ATP8A2: variants seen among roughly 807,000 people sequenced by gnomAD.
ATP8A2 encodes the protein ATPase phospholipid transporting 8A2.
ATP8A2 carries 100 observed loss-of-function variants against 165.6 expected under a neutral mutation model. The observed-to-expected ratio is 0.60, with a 90% confidence interval of 0.51 to 0.71. The LOEUF is 0.71. Ranked by LOEUF, ATP8A2 falls within the 30% of genes least tolerant of loss-of-function variation. The pLI is 0.00. For missense variants in ATP8A2, 1,227 were observed against 1,479.5 expected (o/e 0.83, Z 2.80); for synonymous variants, 543 against 548.8 (o/e 0.99, Z 0.15).
intron 35 of ATP8A2, among the ~76,000 whole-genome samples, chr13:25,978,776 T>TA: frequency 6.6e-6 from 1 of 152,098 alleles, no homozygotes; most frequent in South Asian, 2.1e-4. Flanking sequence ...CCGTCTCTAC[T>TA]AAAAATACAA....
At chr13:25,835,312 C>T (rs1593422911) in intron 28 of ATP8A2, among the ~76,000 whole-genome samples, 1 of 152,100 alleles carries the variant, frequency 6.6e-6, no homozygotes, top group Non-Finnish European at 1.5e-5. Flanking sequence ...CTGTGGATTT[C>T]TCCTTGAAGT....
At chr13:25,876,144 A>G (rs182820925) in intron 33 of ATP8A2, among the ~76,000 whole-genome samples, 16 of 152,346 alleles carry the variant, frequency 1.1e-4, no homozygotes, top group African/African-American at 3.6e-4. Context: ...CGGAAGAAAT[A>G]GAACTTCTCT....
chr13:25,403,341 C>T lies in ATP8A2; in HGVS notation c.76+31053C>T, dbSNP rs190267293. Among the ~76,000 whole-genome samples the T allele has an allele frequency of 5.3e-4, 81 of 152,198 alleles. 1 individual carries two copies. The South Asian group carries it at 8.9e-3, about 17-fold the overall frequency. On this transcript the variant is annotated intron_variant, in intron 1 of 36. Transcript: ENST00000381655. ...CCCAGCCTGTGGTATTTTGTTACAG[C>T]GGGAGGAAGAGACTAAGACAAAGGT... is the stretch of plus-strand genomic sequence containing the variant.
At chr13:25,408,515 A>T (rs2033875100) in intron 1 of ATP8A2, among the ~76,000 whole-genome samples, 1 of 152,146 alleles carries the variant, frequency 6.6e-6, no homozygotes, top group African/African-American at 2.4e-5. Context: ...ATGCACACTG[A>T]TGTGTTAATC....
chr13:25,769,661 C>T (rs551504151), intron 26 of ATP8A2, among the ~76,000 whole-genome samples: 1 of 147,508 alleles, frequency 6.8e-6, no homozygotes, highest in South Asian at 2.3e-4. Flanking sequence ...TGGGACACCC[C>T]CTGGCTAGGT....
Position 25,862,379 on chromosome 13 carries a change from A to G in ATP8A2, c.3154A>G (p.Ile1052Val), listed in dbSNP as rs935009343. The G allele has an allele frequency of 3.9e-5, 63 of 1,613,926 alleles. No homozygotes were observed. The highest frequency in any genetic ancestry group is 4.7e-5 in the Non-Finnish European group (56 of 1,179,918). ...FGIYSTIWPT[I>V]PIAPDMRGQA... ...CATCTACTCGACCATCTGGCCCACC[A>G]TTCCCATTGCTCCAGATATGAGAGG... The change falls in exon 33 of 37, where the codon ATT (isoleucine) becomes GTT (valine). Residue 1052 changes from isoleucine to valine, a missense_variant. Transcript: ENST00000381655.
chr13:25,498,466 T>C (rs2036748285), intron 2 of ATP8A2, among the ~76,000 whole-genome samples: 2 of 152,236 alleles, frequency 1.3e-5, no homozygotes, highest in South Asian at 4.1e-4. Flanking sequence ...TCTCCAATGA[T>C]GCTGCAGATT....
chr13:26,010,591 G>A (rs1228687239), intron 35 of ATP8A2, among the ~76,000 whole-genome samples: 2 of 152,150 alleles, frequency 1.3e-5, no homozygotes, highest in Admixed American at 6.5e-5. Context: ...CTTTATACCT[G>A]CCACATTCTG....
At chr13:25,826,853 T>A (rs1185610597) in intron 27 of ATP8A2, among the ~76,000 whole-genome samples, 2 of 149,688 alleles carry the variant, frequency 1.3e-5, no homozygotes, top group Non-Finnish European at 3.0e-5. Flanking sequence ...GGCCCTCTTC[T>A]ACCCCAGTCC....
chr13:25,920,856 C>T (rs1274704025), intron 33 of ATP8A2, among the ~76,000 whole-genome samples: 2 of 152,176 alleles, frequency 1.3e-5, no homozygotes, highest in South Asian at 2.1e-4. Context: ...GTGGGTGAAT[C>T]ACTTGAGCCC....
At chr13:25,432,867 T>C (rs150682233) in intron 1 of ATP8A2, among the ~76,000 whole-genome samples, 11 of 152,232 alleles carry the variant, frequency 7.2e-5, no homozygotes, top group East Asian at 1.9e-4. Flanking sequence ...TAGAACAGAG[T>C]TCATGAGAGG....
chr13:25,482,273 C>T (rs2036227995), intron 2 of ATP8A2, among the ~76,000 whole-genome samples: 1 of 151,180 alleles, frequency 6.6e-6, no homozygotes, highest in South Asian at 2.1e-4. Flanking sequence ...TGAGACTGAT[C>T]ATAAGTCTTG....
chr13:25,793,670 T>C (rs79442573), intron 27 of ATP8A2, among the ~76,000 whole-genome samples: 1 of 145,676 alleles, frequency 6.9e-6, no homozygotes, highest in Non-Finnish European at 1.5e-5. Context: ...TGTTTTTTTT[T>C]ATCTTTACTG....
intron 24 of ATP8A2, among the ~76,000 whole-genome samples, chr13:25,645,879 T>C (rs970064361): frequency 1.1e-4 from 16 of 152,206 alleles, no homozygotes; most frequent in African/African-American, 3.9e-4. Context: ...TTGAGAAGAA[T>C]GTGTACTCTG....
chr13:25,440,873 T>C (rs2034913900), intron 1 of ATP8A2, among the ~76,000 whole-genome samples: 1 of 152,222 alleles, frequency 6.6e-6, no homozygotes, highest in African/African-American at 2.4e-5. Context: ...CCAGATATAT[T>C]TTTCAATATG....
At chr13:25,783,663 G>C (rs1036916544) in intron 27 of ATP8A2, among the ~76,000 whole-genome samples, 1 of 152,150 alleles carries the variant, frequency 6.6e-6, no homozygotes, top group Admixed American at 6.5e-5. Flanking sequence ...AGGATGAGTA[G>C]CAGCTGATCA....
At position 25,953,761 on chromosome 13, in the gene ATP8A2, C is replaced by T. The variant is rs11149415; in HGVS notation, c.3184-7814C>T. Among the ~76,000 whole-genome samples, 39,983 of 151,866 alleles carry T rather than the reference C, an allele frequency of 0.26. 6,467 individuals carry two copies. The highest frequency in any genetic ancestry group is 0.37 in the South Asian group (1,774 of 4,808). ...GGGAAGCACAGGGGATTGAGGAACTCCCTCCCCTAGCCGAGGGAAGCCGTG... is the reference window on the plus strand; with the variant it reads ...GGGAAGCACAGGGGATTGAGGAACTTCCTCCCCTAGCCGAGGGAAGCCGTG... On this transcript the variant is annotated intron_variant, in intron 33 of 36. Coordinates refer to ENST00000381655, the MANE Select transcript of ATP8A2 (RefSeq NM_016529.6). This position sits in a 1 kb window ranked among gnomAD's most constrained non-coding sequence, Gnocchi z 6.7.
intron 33 of ATP8A2, among the ~76,000 whole-genome samples, chr13:25,933,840 A>T (rs111635418): frequency 2.0e-5 from 3 of 152,226 alleles, no homozygotes; most frequent in Non-Finnish European, 4.4e-5. Flanking sequence ...TTGTCATTAC[A>T]TCATGAAACT....
chr13:25,882,167 T>A (rs922500730), intron 33 of ATP8A2, among the ~76,000 whole-genome samples: 2 of 152,140 alleles, frequency 1.3e-5, no homozygotes, highest in African/African-American at 2.4e-5. Context: ...TGACTCGGCA[T>A]TGGGTGGATG....
Sources: allele counts gnomAD v4.1 joint callset (sites outside exome capture counted in the v4.1 genomes callset), GRCh38; gene constraint gnomAD v4.1.1; non-coding constraint Gnocchi (gnomAD v3.1); transcripts MANE v1.5; gene names NCBI Gene and HGNC (gene_info 2026-07-23, HGNC 2026-07-21).